Variants in GJB7 observed in about 807,000 individuals in gnomAD.
GJB7 encodes the protein gap junction beta-7 protein.
For synonymous variants in GJB7, 87 were observed against 95.2 expected, an observed-to-expected ratio of 0.91 and a Z score of 0.50; for missense variants, 253 against 256.8, an observed-to-expected ratio of 0.99 and a Z score of 0.10.
chr6:87,299,517 CA>C, intron 2 of GJB7: 2 of 332,278 alleles, frequency 6.0e-6, no homozygotes, highest in Admixed American at 4.0e-5. Flanking sequence ...GTGTCCAGAC[CA>C]CTGTACCTGC....
At chr6:87,288,256 T>C (rs1237389765) in intron 2 of GJB7, among the ~76,000 whole-genome samples, 1 of 152,144 alleles carries the variant, frequency 6.6e-6, no homozygotes, top group East Asian at 1.9e-4. Context: ...AATAAGAATA[T>C]ACAAAATTAA....
intron 1 of GJB7, among the ~76,000 whole-genome samples, chr6:87,325,363 T>C (rs1295555324): frequency 6.1e-4 from 88 of 144,214 alleles, no homozygotes; most frequent in Non-Finnish European, 1.1e-3. Context: ...AAGGGAATGC[T>C]TCCAGTTTTT....
chr6:87,284,432 G>C lies in GJB7; in HGVS notation c.481C>G (p.Pro161Ala), dbSNP rs370270847. The stretch of plus-strand genomic sequence containing the variant: ...AAGCAGTCCACAGTGTTGGGACAAG[G>C]CTTCAAATCACACTTTATAAGGTAG... The part of the protein sequence containing the change: ...VPYLIKCDLK[P>A]CPNTVDCFIS... Residue 161 changes from proline (P) to alanine (A), a missense_variant, in exon 3 of 3, where the codon CCT becomes GCT. Coordinates refer to ENST00000525899, the MANE Select transcript of GJB7 (RefSeq NM_198568.3). 1.9e-6 allele frequency: 3 copies of C among 1,614,036 alleles called. No homozygotes were observed. The highest frequency in any genetic ancestry group is 2.2e-5 in the East Asian group (1 of 44,864).
intron 2 of GJB7, among the ~76,000 whole-genome samples, chr6:87,295,582 TCA>T (rs1194233813): frequency 2.0e-5 from 3 of 152,134 alleles, no homozygotes; most frequent in Non-Finnish European, 4.4e-5. Flanking sequence ...ATAGAAATGG[TCA>T]CATTTTAGCA....
chr6:87,285,478 T>A (rs1036528118), intron 2 of GJB7, among the ~76,000 whole-genome samples: 2 of 152,188 alleles, frequency 1.3e-5, no homozygotes, highest in African/African-American at 2.4e-5. Context: ...ACCAATTTGA[T>A]AATGAAAAGT....
intron 2 of GJB7, among the ~76,000 whole-genome samples, chr6:87,285,683 T>TCC (rs1776048296): frequency 6.6e-6 from 1 of 152,224 alleles, no homozygotes; most frequent in South Asian, 2.1e-4. Flanking sequence ...GTCTTCAATC[T>TCC]CCCGTCTCCT....
chr6:87,287,042 G>A (rs921241724), intron 2 of GJB7, among the ~76,000 whole-genome samples: 4 of 152,164 alleles, frequency 2.6e-5, no homozygotes, highest in African/African-American at 9.7e-5. Flanking sequence ...GAAACCAGTA[G>A]CCAACCCTGT....
At position 87,284,584 on chromosome 6, in the gene GJB7, T is replaced by G; in HGVS notation, c.329A>C (p.Tyr110Ser). ...GREKRHRKKL[Y>S]VSPGTMDGGL... is the part of the protein sequence containing the mutation. ...CCCATCCATTGTACCTGGGCTGACA[T>G]AGAGTTTCTTTCTGTGCCTTTTCTC... Residue 110 changes from tyrosine (Y) to serine (S), a missense_variant, in exon 3 of 3, where the codon TAT becomes TCT. Tyr to Ser is a moderately radical substitution (Grantham distance 144, BLOSUM62 -2). Coordinates refer to ENST00000525899, the MANE Select transcript of GJB7 (RefSeq NM_198568.3). 1.9e-6 allele frequency: 3 copies of G among 1,614,126 alleles called. No individual in the cohort carries two copies. Among genetic ancestry groups the G allele is most frequent in the Non-Finnish European group, 1.7e-6 (2 of 1,179,990 alleles).
chr6:87,285,435 TTCCCATA>T (rs1201235617), intron 2 of GJB7, among the ~76,000 whole-genome samples: 2 of 152,162 alleles, frequency 1.3e-5, no homozygotes, highest in Non-Finnish European at 2.9e-5. Context: ...TTCTTCTTGG[TTCCCATA>T]TCCCATATCA....
intron 2 of GJB7, among the ~76,000 whole-genome samples, chr6:87,294,361 G>A (rs1037172608): frequency 6.6e-6 from 1 of 152,200 alleles, no homozygotes; most frequent in Non-Finnish European, 1.5e-5. Flanking sequence ...ACCACACAAG[G>A]GTGGAGGCTG....
chr6:87,301,908 C>G (rs1038582810), intron 2 of GJB7, among the ~76,000 whole-genome samples: 2 of 152,228 alleles, frequency 1.3e-5, no homozygotes, highest in Admixed American at 1.3e-4. Flanking sequence ...TGCTGATACC[C>G]AGGCAAACAG....
At chr6:87,286,680 C>T (rs1174182861) in intron 2 of GJB7, among the ~76,000 whole-genome samples, 1 of 152,142 alleles carries the variant, frequency 6.6e-6, no homozygotes, top group Admixed American at 6.5e-5. Flanking sequence ...GGGCCTGATT[C>T]ATTGTTTGTT....
intron 2 of GJB7, among the ~76,000 whole-genome samples, chr6:87,292,951 T>C (rs1297527293): frequency 1.3e-5 from 2 of 152,274 alleles, no homozygotes; most frequent in African/African-American, 4.8e-5. Context: ...TTGCTCTTCA[T>C]ATTCACAACC....
intron 2 of GJB7, among the ~76,000 whole-genome samples, chr6:87,296,309 CATA>C (rs2127900942): frequency 6.6e-6 from 1 of 152,326 alleles, no homozygotes; most frequent in South Asian, 2.1e-4. Context: ...CACTTTCACA[CATA>C]CCCCCAAGAA....
intron 2 of GJB7, among the ~76,000 whole-genome samples, chr6:87,286,808 G>C (rs970412321): frequency 1.3e-5 from 2 of 152,180 alleles, no homozygotes; most frequent in African/African-American, 4.8e-5. Flanking sequence ...TATGATGGTG[G>C]TGGTTTTATT....
At chr6:87,312,991 C>T (rs1175969759) in intron 2 of GJB7, among the ~76,000 whole-genome samples, 6 of 152,226 alleles carry the variant, frequency 3.9e-5, no homozygotes, top group East Asian at 1.9e-4. Flanking sequence ...AGACTGTCCT[C>T]TCCTGGAGAT....
chr6:87,293,839 C>G (rs1381556235), intron 2 of GJB7, among the ~76,000 whole-genome samples: 1 of 152,134 alleles, frequency 6.6e-6, no homozygotes, highest in African/African-American at 2.4e-5. Flanking sequence ...ATTTTCCAGA[C>G]AAAGATCCCT....
intron 2 of GJB7, among the ~76,000 whole-genome samples, chr6:87,309,056 T>C (rs1462296176): frequency 6.6e-6 from 1 of 152,184 alleles, no homozygotes; most frequent in African/African-American, 2.4e-5. Context: ...CTTTCTTGCA[T>C]GTTTCCGATT....
In GJB7 at chr6:87,309,172, A is replaced by T. The variant is rs577160584; in HGVS notation, c.-28+13694T>A. Among the ~76,000 whole-genome samples, 99 of 152,294 alleles carry T rather than the reference A, an allele frequency of 6.5e-4. No individual in the cohort carries two copies. The South Asian group carries it at 0.011, about 16-fold the overall frequency. On this transcript the variant is annotated intron_variant, in intron 2 of 2. Transcript: ENST00000525899. The stretch of plus-strand genomic sequence containing the variant: ...ACACTGATTCACCTTGTTGGTGTGA[A>T]GCAGCAGCTGGGCCTGCAATTGCTC...
Sources: gnomAD v4.1 joint callset for allele counts (sites outside exome capture counted in the v4.1 genomes callset) on GRCh38, gnomAD v4.1.1 for gene constraint, MANE v1.5 for transcripts, NCBI Gene and HGNC (gene_info 2026-07-23, HGNC 2026-07-21) for gene names.